The following SLC44A1 variants were observed in gnomAD, a reference collection of about 807,000 sequenced individuals.
SLC44A1 encodes solute carrier family 44 member 1.
A neutral mutation model predicts 79.3 loss-of-function variants in SLC44A1; 26 were observed. That is an observed-to-expected ratio of 0.33 (90% CI 0.24 to 0.46). The LOEUF (loss-of-function observed/expected upper bound fraction) is 0.46. Ranked by LOEUF, SLC44A1 falls within the 20% of genes least tolerant of loss-of-function variation. The pLI, the probability that SLC44A1 is intolerant of heterozygous loss-of-function variation, is 1.00. For missense variants in SLC44A1, 688 were observed against 798.1 expected (o/e 0.86, Z 1.66); for synonymous variants, 263 against 286.2 (o/e 0.92, Z 0.82).
chr9:105,336,809 C>T (rs956859761), intron 4 of SLC44A1, among the ~76,000 whole-genome samples: 1 of 152,148 alleles, frequency 6.6e-6, no homozygotes, highest in African/African-American at 2.4e-5. Context: ...TGTTCCATGC[C>T]CTCAGCATAG....
chr9:105,374,817 C>T lies in SLC44A1; in HGVS notation c.1632+82C>T, dbSNP rs1828226531. 3.4e-6 allele frequency: 4 copies of T among 1,188,038 alleles called. No individual in the cohort carries two copies. The Admixed American group carries it at 8.3e-5, about 25-fold the overall frequency. 73.6% of individuals were successfully genotyped at this position (1,188,038 alleles called of 1,614,324 possible). The stretch of plus-strand genomic sequence containing the variant: ...CTCTTTTATTTTAAAAATATTCAGG[C>T]CACCAAAAAACTAAAAGTAATATAT... On this transcript the variant is annotated intron_variant, in intron 13 of 15. Coordinates refer to ENST00000374720, the MANE Select transcript of SLC44A1 (RefSeq NM_080546.5).
chr9:105,246,811 C>G (rs376710175), intron 1 of SLC44A1, among the ~76,000 whole-genome samples: 1 of 152,226 alleles, frequency 6.6e-6, no homozygotes, highest in Non-Finnish European at 1.5e-5. Context: ...TGCATCAGAA[C>G]TCTGCTTTAA....
intron 13 of SLC44A1, among the ~76,000 whole-genome samples, chr9:105,380,045 AGAAAG>A (rs1392051543): frequency 6.6e-6 from 1 of 152,222 alleles, no homozygotes; most frequent in African/African-American, 2.4e-5. Context: ...TGGCAAGAAA[AGAAAG>A]GAAGGGAGAG....
At chr9:105,281,744 G>A (rs1281758413) in intron 1 of SLC44A1, among the ~76,000 whole-genome samples, 1 of 152,180 alleles carries the variant, frequency 6.6e-6, no homozygotes, top group African/African-American at 2.4e-5. Context: ...GTTCCTTTGT[G>A]ATTGCATCTG....
rs1827916202 is a variant in SLC44A1 at position 105,365,601 on chromosome 9, A to G, written c.1372A>G (p.Met458Val). ...FIITLVKIPR[M>V]ILMYIHSQLK... is the part of the protein sequence containing the mutation. ...TATCACATTAGTCAAAATTCCGCGA[A>G]TGATCCTTATGTATATTCACAGTCA... The change falls in exon 11 of 16, where the codon ATG (methionine) becomes GTG (valine). Residue 458 changes from methionine (M) to valine (V), a missense_variant. Coordinates refer to ENST00000374720, the MANE Select transcript of SLC44A1 (RefSeq NM_080546.5). 5 of 1,613,926 alleles carry G rather than the reference A, an allele frequency of 3.1e-6. No homozygotes were observed. Among genetic ancestry groups the G allele is most frequent in the Non-Finnish European group, 4.2e-6 (5 of 1,179,820 alleles).
chr9:105,416,968 A>C (rs950926354), intron 15 of SLC44A1, among the ~76,000 whole-genome samples: 1 of 152,244 alleles, frequency 6.6e-6, no homozygotes, highest in Non-Finnish European at 1.5e-5. Flanking sequence ...GTCCCTTTGG[A>C]AAGTAACTTA....
At chr9:105,434,806 C>T (rs536449711) in intron 15 of SLC44A1, among the ~76,000 whole-genome samples, 2 of 152,312 alleles carry the variant, frequency 1.3e-5, no homozygotes, top group South Asian at 4.1e-4. Context: ...ATACTTTAGT[C>T]TTAAGGGTTG....
intron 15 of SLC44A1, among the ~76,000 whole-genome samples, chr9:105,411,856 T>G (rs1829099346): frequency 6.6e-6 from 1 of 152,216 alleles, no homozygotes; most frequent in Admixed American, 6.5e-5. Context: ...CATTACTGTG[T>G]GCTAACTTTG....
chr9:105,386,900 A>G (rs1471342678), intron 15 of SLC44A1, among the ~76,000 whole-genome samples: 1 of 147,202 alleles, frequency 6.8e-6, no homozygotes, highest in African/African-American at 2.5e-5. Flanking sequence ...TTAGCTGGGC[A>G]TGGCGGCGTG....
intron 15 of SLC44A1, among the ~76,000 whole-genome samples, chr9:105,403,441 C>T (rs962639123): frequency 4.0e-5 from 6 of 151,894 alleles, no homozygotes; most frequent in Non-Finnish European, 8.8e-5. Context: ...TACCTCATAC[C>T]TTATTTAGAT....
chr9:105,380,558 TTATTTATCAAA>T (rs1564039348), intron 13 of SLC44A1, among the ~76,000 whole-genome samples: 1 of 151,984 alleles, frequency 6.6e-6, no homozygotes, highest in African/African-American at 2.4e-5. Context: ...ATATTTACAT[TTATTTATCAAA>T]TATTTATCAA....
chr9:105,393,445 A>G lies in SLC44A1; in HGVS notation c.*4389A>G. 1 of 984,674 alleles carries G rather than the reference A, an allele frequency of 1.0e-6. No individual in the cohort carries two copies. Among genetic ancestry groups the G allele is most frequent in the Non-Finnish European group, 1.2e-6 (1 of 829,258 alleles). The allele number at this position is 984,674 out of a possible 1,614,324, so 61.0% of individuals were successfully genotyped here. On this transcript the variant is annotated 3_prime_UTR_variant, in exon 16 of 16. Transcript: ENST00000374720. The stretch of plus-strand genomic sequence containing the variant: ...TACAGTTATGAATTTAGAATAGCAC[A>G]CTTTTTCCATTCAGATTTCATACAT...
rs1158277469 is a variant in SLC44A1, at chr9:105,383,146, T to C, written c.1656T>C (p.Gly552=). The C allele has an allele frequency of 1.2e-6, 2 of 1,613,828 alleles. No homozygotes were observed. Among genetic ancestry groups the C allele is most frequent in the African/African-American group, 2.7e-5 (2 of 74,928 alleles). ...AGGTGCTGATAGTCTGCAGCACAGG[T>C]TTAGCTGGGATTATGCTGCTCAACT... ...LGKVLIVCST[G]LAGIMLLNYQ... is the part of the protein sequence containing the mutation. Residue 552 remains glycine (G), a synonymous_variant, in exon 14 of 16, where the codon GGT becomes GGC. Coordinates refer to ENST00000374720, the MANE Select transcript of SLC44A1 (RefSeq NM_080546.5).
chr9:105,420,538 G>A (rs1420717906), intron 15 of SLC44A1, among the ~76,000 whole-genome samples: 3 of 152,028 alleles, frequency 2.0e-5, no homozygotes, highest in African/African-American at 7.3e-5. Context: ...AAGTTGAGCT[G>A]ATTATGAGTC....
At position 105,375,232 on chromosome 9, in the gene SLC44A1, G is replaced by T. The variant is rs540382817; in HGVS notation, c.1632+497G>T. Reference sequence around the variant, plus strand: ...TTTTTGTATTATTAGTAGAGACAGGGTTTCCCCATGTCGGCCAGGCTGGTC... The same window carrying T: ...TTTTTGTATTATTAGTAGAGACAGGTTTTCCCCATGTCGGCCAGGCTGGTC... On this transcript the variant is annotated intron_variant, in intron 13 of 15. Coordinates refer to ENST00000374720, the MANE Select transcript of SLC44A1 (RefSeq NM_080546.5). 2.6e-4 allele frequency among the ~76,000 whole-genome samples: 40 copies of T among 152,300 alleles called. 1 individual carries two copies. In the South Asian group the frequency reaches 6.6e-3, roughly 25 times the overall value.
intron 2 of SLC44A1, 145 bp from the exon 3 acceptor site, chr9:105,309,579 G>T: frequency 1.5e-6 from 1 of 673,748 alleles, no homozygotes; most frequent in Non-Finnish European, 2.5e-6. Context: ...GCAATCCAAG[G>T]AAAACAGTGG....
At chr9:105,274,097 G>A (rs1830141586) in intron 1 of SLC44A1, among the ~76,000 whole-genome samples, 1 of 152,152 alleles carries the variant, frequency 6.6e-6, no homozygotes, top group African/African-American at 2.4e-5. Flanking sequence ...AAAAAAACCA[G>A]TAAAGGATAT....
At position 105,395,427 on chromosome 9, in the gene SLC44A1, C is replaced by A; in HGVS notation, c.*6371C>A. 1 of 518,486 alleles carries A rather than the reference C, an allele frequency of 1.9e-6. No homozygotes were observed. The highest frequency in any genetic ancestry group is 2.5e-6 in the Non-Finnish European group (1 of 403,280). 32.1% of individuals were successfully genotyped at this position (518,486 alleles called of 1,614,324 possible). On this transcript the variant is annotated 3_prime_UTR_variant, in exon 16 of 16. Coordinates refer to ENST00000374720, the MANE Select transcript of SLC44A1 (RefSeq NM_080546.5). ...AGAGACGGGGTTTCACCACGTTGGC[C>A]AGGCCAATCTCGAACTCCTGACCTC...
intron 1 of SLC44A1, among the ~76,000 whole-genome samples, chr9:105,268,578 A>G (rs2131225811): frequency 6.6e-6 from 1 of 151,878 alleles, no homozygotes; most frequent in South Asian, 2.1e-4. Context: ...ATCTCTGCTC[A>G]CTGCAACCTC....
Sources: gnomAD v4.1 joint callset for allele counts (sites outside exome capture counted in the v4.1 genomes callset) on GRCh38, gnomAD v4.1.1 for gene constraint, MANE v1.5 for transcripts, NCBI Gene and HGNC (gene_info 2026-07-23, HGNC 2026-07-21) for gene names.